The following SLAMF9 variants were observed in gnomAD, a reference collection of about 807,000 sequenced individuals.
The protein encoded by SLAMF9 is CD2 family member 10.
SLAMF9 carries 25 observed loss-of-function variants against 30.4 expected under a neutral mutation model. The observed-to-expected ratio is 0.82, with a 90% confidence interval of 0.60 to 1.15. SLAMF9 has a LOEUF of 1.15. SLAMF9 is among the 50% of genes most tolerant of loss of function. The pLI is 0.00. For missense variants in SLAMF9, 344 were observed against 346.1 expected, an observed-to-expected ratio of 0.99 and a Z score of 0.05; for synonymous variants, 129 against 127.2, an observed-to-expected ratio of 1.01 and a Z score of -0.09.
chr1:159,953,788 G>T, intron 1 of SLAMF9, 135 bp from the exon 2 acceptor site: 1 of 812,222 alleles, frequency 1.2e-6, no homozygotes, highest in Non-Finnish European at 1.9e-6. Context: ...CTGTTCTCCA[G>T]CTGCTGCTTC....
chr1:159,972,218 C>T, the SLAMF9 span, among the ~76,000 whole-genome samples: 9 of 152,210 alleles, frequency 5.9e-5, no homozygotes, highest in African/African-American at 2.2e-4. Context: ...GCCCCCGCCT[C>T]GCCCCTCACC....
chr1:159,965,226 A>T, the SLAMF9 span, among the ~76,000 whole-genome samples: 2 of 152,246 alleles, frequency 1.3e-5, no homozygotes, highest in African/African-American at 2.4e-5. Context: ...CAACAAACAG[A>T]TCTGTACCGT....
rs1288252419 is a variant in SLAMF9, at chr1:159,953,449, C to G, written c.251G>C (p.Gly84Ala). The G allele has an allele frequency of 1.1e-5, 18 of 1,614,204 alleles. No homozygotes were observed. The highest frequency in any genetic ancestry group is 1.5e-5 in the Non-Finnish European group (18 of 1,180,036). ...TIMVTNPHYQ[G>A]QVSFLDPSYS... ...GCTGGGGTCCAGGAAGCTCACTTGG[C>G]CCTGGTAGTGTGGATTGGTCACCAT... Residue 84 changes from glycine (G) to alanine (A), a missense_variant, in exon 2 of 4, where the codon GGC becomes GCC. Transcript: ENST00000368093.
the SLAMF9 span, among the ~76,000 whole-genome samples, chr1:159,981,542 G>T: frequency 6.0e-3 from 919 of 152,292 alleles, 3 homozygotes; most frequent in Middle Eastern, 0.024. Flanking sequence ...CAGACCAGGG[G>T]GTGCTGGCAA....
Position 159,954,008 on chromosome 1 carries a change from G to A in SLAMF9, c.46+84C>T, listed in dbSNP as rs982425738. The A allele has an allele frequency of 1.4e-5, 21 of 1,541,146 alleles. No homozygotes were observed. In the South Asian group the frequency reaches 2.0e-4, roughly 15 times the overall value. On this transcript the variant is annotated intron_variant, in intron 1 of 3. Coordinates refer to ENST00000368093, the MANE Select transcript of SLAMF9 (RefSeq NM_033438.4). ...GCTGACACATTCAACCCCTAAGAAA[G>A]GGTCTTACTGGCCCAGACCCAGTGG...
chr1:159,955,256 C>T (rs1408738402), upstream of SLAMF9, among the ~76,000 whole-genome samples: 1 of 152,168 alleles, frequency 6.6e-6, no homozygotes, highest in Non-Finnish European at 1.5e-5. Context: ...TAAATAGCTT[C>T]CTGGCAGTCA....
chr1:159,982,096 C>T, the SLAMF9 span, among the ~76,000 whole-genome samples: 1 of 152,168 alleles, frequency 6.6e-6, no homozygotes, highest in Admixed American at 6.5e-5. Flanking sequence ...CCTAGTTGTC[C>T]TTCCTTCAAT....
chr1:159,980,333 C>T, the SLAMF9 span, among the ~76,000 whole-genome samples: 4 of 152,216 alleles, frequency 2.6e-5, no homozygotes, highest in South Asian at 6.2e-4. Context: ...TCTGCCACAT[C>T]CCCCGACGCC....
At chr1:159,959,391 C>G in the SLAMF9 span, among the ~76,000 whole-genome samples, 2 of 152,066 alleles carry the variant, frequency 1.3e-5, no homozygotes, top group Non-Finnish European at 2.9e-5. Context: ...ATCTCATCTC[C>G]TCCTCCCCAG....
Position 159,953,634 on chromosome 1 carries a change from C to T in SLAMF9, c.66G>A (p.Trp22Ter), listed in dbSNP as rs755778795. ...CCACTTCCTCGGATCCACACCATCTCCAGAGTCTCCTTTGGCTGCCTATGC... is the reference window on the plus strand; with the variant it reads ...CCACTTCCTCGGATCCACACCATCTTCAGAGTCTCCTTTGGCTGCCTATGC... ...LLQEGSQRRL[W>*]RWCGSEEVVA... Residue 22 changes from tryptophan (W) to a stop codon, truncating the protein, a stop_gained, in exon 2 of 4, where the codon TGG (tryptophan) becomes TGA (stop). Transcript: ENST00000368093. LOFTEE classifies it high-confidence loss of function. The T allele has an allele frequency of 4.4e-6, 7 of 1,604,870 alleles. No individual in the cohort carries two copies. In the Admixed American group the frequency reaches 1.2e-4, roughly 27 times the overall value.
chr1:159,960,939 G>C, the SLAMF9 span, among the ~76,000 whole-genome samples: 5 of 152,164 alleles, frequency 3.3e-5, no homozygotes, highest in Admixed American at 6.5e-5. Context: ...CAGAGGGATT[G>C]GGCCCCAGTT....
chr1:159,956,905 G>A (rs192662377), upstream of SLAMF9, among the ~76,000 whole-genome samples: 9 of 151,822 alleles, frequency 5.9e-5, no homozygotes, highest in Non-Finnish European at 1.2e-4. Context: ...GGATCACAAG[G>A]TCAGGAGATC....
chr1:159,951,763 G>C lies in SLAMF9; in HGVS notation c.768C>G (p.Val256=). Residue 256 remains valine (V), a synonymous_variant, in exon 4 of 4, where the codon GTC becomes GTG. Coordinates refer to ENST00000368093, the MANE Select transcript of SLAMF9 (RefSeq NM_033438.4). Reference sequence around the variant, plus strand: ...TTTTGTGTCTTTTCTGGACTCGGATGACCCAGAGTCCCATGGCCAGAATTA... The same window carrying C: ...TTTTGTGTCTTTTCTGGACTCGGATCACCCAGAGTCCCATGGCCAGAATTA... The part of the protein sequence containing the change: ...LLVILAMGLW[V]IRVQKRHKMP... 1 of 1,614,028 alleles carries C rather than the reference G, an allele frequency of 6.2e-7. No individual in the cohort carries two copies. The highest frequency in any genetic ancestry group is 1.1e-5 in the South Asian group (1 of 91,062).
chr1:159,968,733 C>A, the SLAMF9 span, among the ~76,000 whole-genome samples: 7,895 of 152,218 alleles, frequency 0.052, 231 homozygotes, highest in African/African-American at 0.088. Flanking sequence ...GAGACATTTT[C>A]TTCTAGTCTA....
At chr1:159,953,767 C>T in intron 1 of SLAMF9, 114 bp from the exon 2 acceptor site, 1 of 916,528 alleles carries the variant, frequency 1.1e-6, no homozygotes, top group South Asian at 1.7e-5. Context: ...CTATGACTCT[C>T]ACACTAAATC....
upstream of SLAMF9, among the ~76,000 whole-genome samples, chr1:159,957,994 C>G (rs769537497): frequency 6.6e-6 from 1 of 152,148 alleles, no homozygotes; most frequent in African/African-American, 2.4e-5. Flanking sequence ...GGCCTCAGAC[C>G]TTGATGCGTC....
chr1:159,952,314 G>T lies in SLAMF9; in HGVS notation c.612C>A (p.Asn204Lys). 1 of 1,614,132 alleles carries T rather than the reference G, an allele frequency of 6.2e-7. No homozygotes were observed. Among genetic ancestry groups the T allele is most frequent in the South Asian group, 1.1e-5 (1 of 91,088 alleles). ...SALSYTCRANNPISNVSSCPI... is the reference protein window; with the variant it reads ...SALSYTCRANKPISNVSSCPI... ...GGCAAGAACTGACGTTGCTGATGGG[G>T]TTGTTGGCTCTGCAGGTGTAGGAGA... is the stretch of plus-strand genomic sequence containing the variant. Residue 204 changes from asparagine (N) to lysine (K), a missense_variant, in exon 3 of 4, where the codon AAC (asparagine) becomes AAA (lysine). By Grantham distance (94) the Asn-to-Lys change is moderately conservative. Transcript: ENST00000368093.
the SLAMF9 span, among the ~76,000 whole-genome samples, chr1:159,960,980 C>T: frequency 1.3e-5 from 2 of 152,142 alleles, no homozygotes; most frequent in Non-Finnish European, 2.9e-5. Context: ...ATTAACACAC[C>T]CTTTTCTTTG....
chr1:159,954,265 T>A, upstream of SLAMF9: 1 of 1,030,524 alleles, frequency 9.7e-7, no homozygotes. Flanking sequence ...GGAAATAATT[T>A]TCCCCTGACT....
Sources: gnomAD v4.1 joint callset for allele counts (sites outside exome capture counted in the v4.1 genomes callset) on GRCh38, gnomAD v4.1.1 for gene constraint, MANE v1.5 for transcripts, NCBI Gene and HGNC (gene_info 2026-07-23, HGNC 2026-07-21) for gene names.